PCDHGB3: variants seen among roughly 807,000 people sequenced by gnomAD.
The protein encoded by PCDHGB3 is protocadherin gamma subfamily B, 3.
PCDHGB3 carries 40 observed loss-of-function variants against 59.2 expected under a neutral mutation model. That is an observed-to-expected ratio of 0.68 (90% CI 0.52 to 0.88). The LOEUF (loss-of-function observed/expected upper bound fraction) is 0.88, where lower values mean the gene tolerates loss of function less well. Ranked by LOEUF, PCDHGB3 falls within the 40% of genes least tolerant of loss-of-function variation. PCDHGB3 has a pLI of 0.00. For missense variants in PCDHGB3, 1,309 were observed against 1,187.9 expected, an observed-to-expected ratio of 1.10 and a Z score of -1.50; for synonymous variants, 581 against 503.6, an observed-to-expected ratio of 1.15 and a Z score of -2.06.
intron 1 of PCDHGB3, among the ~76,000 whole-genome samples, chr5:141,425,189 T>C (rs1042702500): frequency 2.6e-5 from 4 of 152,116 alleles, no homozygotes; most frequent in African/African-American, 7.2e-5. Flanking sequence ...AATTCCAAAC[T>C]GAGAAAAATG....
intron 1 of PCDHGB3, among the ~76,000 whole-genome samples, chr5:141,465,206 C>T (rs375753635): frequency 1.8e-4 from 27 of 151,896 alleles, no homozygotes; most frequent in Middle Eastern, 3.4e-3. Context: ...AAAATATAAG[C>T]TTTATTTTTC....
In PCDHGB3 at chr5:141,432,571, G is replaced by A. The variant is rs776214748; in HGVS notation, c.2415+59762G>A. On this transcript the variant is annotated intron_variant, in intron 1 of 3. Coordinates refer to ENST00000576222, the MANE Select transcript of PCDHGB3 (RefSeq NM_018924.5). The surrounding 1 kb of genome is among the most constrained non-coding windows in gnomAD (Gnocchi z 6.0). ...GAGACTCCGGCCAGAACGCCTGGCT[G>A]TCCTACCGTCTGCTCAAGGCCAGCG... is the stretch of plus-strand genomic sequence containing the variant. 1.2e-6 allele frequency: 2 copies of A among 1,613,954 alleles called. No homozygotes were observed. Among genetic ancestry groups the A allele is most frequent in the South Asian group, 1.1e-5 (1 of 91,068 alleles).
intron 1 of PCDHGB3, among the ~76,000 whole-genome samples, chr5:141,457,187 G>A (rs1314148733): frequency 1.3e-5 from 2 of 152,210 alleles, no homozygotes; most frequent in Admixed American, 1.3e-4. Flanking sequence ...ATAGTAGAGT[G>A]AGGAAAGCAG....
At chr5:141,415,754 T>C in intron 1 of PCDHGB3, 3 of 1,385,738 alleles carry the variant, frequency 2.2e-6, no homozygotes, top group South Asian at 1.7e-5. Context: ...TTTTTTTTTT[T>C]TTTTTTTTTT....
At chr5:141,384,254 T>A in intron 1 of PCDHGB3, 3 of 1,613,674 alleles carry the variant, frequency 1.9e-6, no homozygotes, top group Non-Finnish European at 2.5e-6. Context: ...CCACCCACCT[T>A]CCCCCACTCA....
At chr5:141,400,533 C>T in intron 1 of PCDHGB3, 11 of 1,613,902 alleles carry the variant, frequency 6.8e-6, no homozygotes, top group Non-Finnish European at 9.3e-6. Context: ...TGGTGAGTTT[C>T]ATTTATGTCT....
chr5:141,446,458 G>A (rs2098502933), intron 1 of PCDHGB3, among the ~76,000 whole-genome samples: 1 of 151,662 alleles, frequency 6.6e-6, no homozygotes, highest in African/African-American at 2.4e-5. Flanking sequence ...TATTCAGTGT[G>A]TGATTAGACA....
At chr5:141,412,713 TG>T (rs1172943618) in intron 1 of PCDHGB3, 2 of 152,812 alleles carry the variant, frequency 1.3e-5, no homozygotes, top group Non-Finnish European at 2.9e-5. Context: ...TGTACATTTC[TG>T]TTGGGAAAAC....
Position 141,419,080 on chromosome 5 carries a change from T to G in PCDHGB3, c.2415+46271T>G, listed in dbSNP as rs1286490083. The G allele has an allele frequency of 3.1e-6, 5 of 1,613,842 alleles. No individual in the cohort carries two copies. The South Asian group carries it at 5.5e-5, about 18-fold the overall frequency. On this transcript the variant is annotated intron_variant, in intron 1 of 3. Transcript: ENST00000576222. ...ATAATTACTACAAGCTAGTAACAGA[T>G]GAGGCCCTGGATCGGGAGCAGACCC... is the stretch of plus-strand genomic sequence containing the variant.
At chr5:141,418,369 C>G (rs763319499) in intron 1 of PCDHGB3, 62 of 1,613,842 alleles carry the variant, frequency 3.8e-5, no homozygotes, top group Non-Finnish European at 4.8e-5. Context: ...TGAGCAAATA[C>G]CAACTAAGTC....
chr5:141,400,175 A>G (rs374505357), intron 1 of PCDHGB3: 1 of 1,613,918 alleles, frequency 6.2e-7, no homozygotes, highest in Non-Finnish European at 8.5e-7. Flanking sequence ...CCCCAGGCTG[A>G]GCTGCAGTTT....
chr5:141,441,547 A>G (rs1393958373), intron 1 of PCDHGB3: 1 of 182,772 alleles, frequency 5.5e-6, no homozygotes, highest in Admixed American at 6.4e-5. Context: ...CAAAGCCTCC[A>G]TAGTGTGCAA....
At chr5:141,497,776 C>A (rs1384125562) in intron 2 of PCDHGB3, among the ~76,000 whole-genome samples, 2 of 152,170 alleles carry the variant, frequency 1.3e-5, no homozygotes. Flanking sequence ...CCGACCTCAA[C>A]TGATCCACCT....
chr5:141,432,560 A>C lies in PCDHGB3; in HGVS notation c.2415+59751A>C. The C allele has an allele frequency of 2.5e-6, 4 of 1,613,600 alleles. No individual in the cohort carries two copies. Among genetic ancestry groups the C allele is most frequent in the Non-Finnish European group, 3.4e-6 (4 of 1,179,962 alleles). ...GGCGGTGGACAGAGACTCCGGCCAG[A>C]ACGCCTGGCTGTCCTACCGTCTGCT... On this transcript the variant is annotated intron_variant, in intron 1 of 3. Transcript: ENST00000576222. The surrounding 1 kb of genome is among the most constrained non-coding windows in gnomAD (Gnocchi z 6.0).
chr5:141,383,513 A>T, intron 1 of PCDHGB3: 1 of 1,612,722 alleles, frequency 6.2e-7, no homozygotes, highest in South Asian at 1.1e-5. Flanking sequence ...CGGGAGGAAG[A>T]GCGGGTTCAC....
chr5:141,423,883 A>G, intron 1 of PCDHGB3: 2 of 1,283,462 alleles, frequency 1.6e-6, no homozygotes, highest in Non-Finnish European at 2.0e-6. Context: ...CAATCTTGGC[A>G]TATTTTCTTT....
rs764579211 is a variant in PCDHGB3 at position 141,489,393 on chromosome 5, T to C, written c.2416-5414T>C. 1.9e-5 allele frequency: 30 copies of C among 1,614,098 alleles called. No individual in the cohort carries two copies. In the South Asian group the frequency reaches 3.3e-4, roughly 18 times the overall value. On this transcript the variant is annotated intron_variant, in intron 1 of 3. Coordinates refer to ENST00000576222, the MANE Select transcript of PCDHGB3 (RefSeq NM_018924.5). The surrounding 1 kb of genome is among the most constrained non-coding windows in gnomAD (Gnocchi z 4.5). ...CGCTGGTGGGGAATGTTGCTCAGGA[T>C]CTGGGCTTAAAGATGACAGATCTGT...
rs375487349 is a variant in PCDHGB3, at chr5:141,383,260, G to T, written c.2415+10451G>T. On this transcript the variant is annotated intron_variant, in intron 1 of 3. Transcript: ENST00000576222. ...TAAAATGAATCTTTACCCTATAGAC[G>T]TGGAAATAATAGATATTAATGACAA... is the stretch of plus-strand genomic sequence containing the variant. 2 of 1,613,782 alleles carry T rather than the reference G, an allele frequency of 1.2e-6. No homozygotes were observed. The highest frequency in any genetic ancestry group is 1.7e-6 in the Non-Finnish European group (2 of 1,179,874).
At position 141,485,532 on chromosome 5, in the gene PCDHGB3, A is replaced by C. The variant is rs1360942348; in HGVS notation, c.2416-9275A>C. 6.2e-7 allele frequency: 1 copy of C among 1,614,108 alleles called. No individual in the cohort carries two copies. The highest frequency in any genetic ancestry group is 1.7e-5 in the Admixed American group (1 of 60,000). ...GGTCCTTTGGAAATGTACCGAGCAG[A>C]GGTAGAGATCGTAGATGTGAATGAT... On this transcript the variant is annotated intron_variant, in intron 1 of 3. Transcript: ENST00000576222. This position sits in a 1 kb window ranked among gnomAD's most constrained non-coding sequence, Gnocchi z 5.7.
Sources: gnomAD v4.1 joint callset for allele counts (sites outside exome capture counted in the v4.1 genomes callset) on GRCh38, gnomAD v4.1.1 for gene constraint, Gnocchi (gnomAD v3.1) non-coding constraint, MANE v1.5 for transcripts, NCBI Gene and HGNC (gene_info 2026-07-23, HGNC 2026-07-21) for gene names.